PTPRN2: variants seen among roughly 807,000 people sequenced by gnomAD.
PTPRN2 encodes the protein protein tyrosine phosphatase receptor type N2, also known as receptor-type tyrosine-protein phosphatase N2.
Under a neutral mutation model 118.8 loss-of-function variants are expected in PTPRN2, and 74 were observed. The ratio of observed to expected loss-of-function variants is 0.62; its 90% CI spans 0.52 to 0.76. PTPRN2 has a LOEUF of 0.76. PTPRN2 is among the 30% of genes least tolerant of loss of function. The pLI is 0.00. For synonymous variants in PTPRN2, 641 were observed against 608.0 expected (o/e 1.05, Z -0.80); for missense variants, 1,481 against 1,394.4 (o/e 1.06, Z -0.99).
chr7:158,360,951 A>G (rs1398858608), intron 2 of PTPRN2, among the ~76,000 whole-genome samples: 2 of 3,742 alleles, frequency 5.3e-4, no homozygotes, highest in Non-Finnish European at 4.8e-4. Context: ...CAGACCCCAC[A>G]TCCACCCTCA....
intron 2 of PTPRN2, among the ~76,000 whole-genome samples, chr7:158,329,575 G>A (rs1446044856): frequency 6.6e-6 from 1 of 152,190 alleles, no homozygotes; most frequent in Non-Finnish European, 1.5e-5. Context: ...GACACCAGAC[G>A]TCAACCCTGC....
At chr7:158,146,583 T>G (rs1356750032) in intron 6 of PTPRN2, among the ~76,000 whole-genome samples, 1 of 150,826 alleles carries the variant, frequency 6.6e-6, no homozygotes, top group Non-Finnish European at 1.5e-5. Context: ...TAGCCAGGCG[T>G]GGTGGCGGGC....
Position 158,003,686 on chromosome 7 carries a change from A to G in PTPRN2, c.1723+77612T>C, listed in dbSNP as rs976489307. 1.3e-4 allele frequency among the ~76,000 whole-genome samples: 20 copies of G among 151,430 alleles called. No homozygotes were observed. Among genetic ancestry groups the G allele is most frequent in the Non-Finnish European group, 2.5e-4 (17 of 67,918 alleles). ...ACCGTGGCCACCCGAGCTGACTGAC[A>G]GGGGTGGGGAAGCACGCCATCCGGG... On this transcript the variant is annotated intron_variant, in intron 11 of 22. Coordinates refer to ENST00000389418, the MANE Select transcript of PTPRN2 (RefSeq NM_002847.5). This position sits in a 1 kb window ranked among gnomAD's most constrained non-coding sequence, Gnocchi z 5.0.
chr7:158,336,540 C>A (rs28495136), intron 2 of PTPRN2, among the ~76,000 whole-genome samples: 44,628 of 55,580 alleles, frequency 0.8, 17,200 homozygotes, highest in African/African-American at 0.85. Flanking sequence ...TGAAACCTGC[C>A]GACGTCACTC....
chr7:157,747,044 G>A (rs1247645268), intron 12 of PTPRN2, among the ~76,000 whole-genome samples: 3 of 147,842 alleles, frequency 2.0e-5, no homozygotes, highest in Non-Finnish European at 4.4e-5. Context: ...TGAGGCCTGC[G>A]TCCCTGAGCT....
In PTPRN2 at chr7:158,133,336, G is replaced by A. The variant is rs1818531020; in HGVS notation, c.1556+341C>T. ...CCCCGAGACCCCACCCTGCCTGGCC[G>A]CCGCTGAAGGTGATTCTGACCCGCA... On this transcript the variant is annotated intron_variant, in intron 9 of 22. Coordinates refer to ENST00000389418, the MANE Select transcript of PTPRN2 (RefSeq NM_002847.5). Among the ~76,000 whole-genome samples the A allele has an allele frequency of 2.0e-5, 3 of 152,122 alleles. 1 individual carries two copies. The South Asian group carries it at 6.2e-4, about 32-fold the overall frequency.
intron 14 of PTPRN2, among the ~76,000 whole-genome samples, chr7:157,641,444 G>A (rs552178308): frequency 5.9e-5 from 9 of 152,296 alleles, no homozygotes; most frequent in Admixed American, 3.9e-4. Flanking sequence ...TTTTAGAAAC[G>A]TCACTGCAAT....
chr7:157,996,495 G>C (rs1804752579), intron 11 of PTPRN2, among the ~76,000 whole-genome samples: 1 of 152,244 alleles, frequency 6.6e-6, no homozygotes, highest in Admixed American at 6.5e-5. Flanking sequence ...TGCCAGGGGA[G>C]CTTTGGTCTC....
intron 12 of PTPRN2, among the ~76,000 whole-genome samples, chr7:157,799,859 G>C (rs1421946515): frequency 2.7e-5 from 3 of 111,976 alleles, no homozygotes; most frequent in African/African-American, 1.2e-4. Context: ...CACCACAGCC[G>C]GCCCCCTCCA....
intron 4 of PTPRN2, among the ~76,000 whole-genome samples, chr7:158,195,060 A>G (rs1826101237): frequency 6.6e-6 from 1 of 152,164 alleles, no homozygotes; most frequent in South Asian, 2.1e-4. Flanking sequence ...GTGTTCTCTC[A>G]TTGGTTTCCA....
chr7:157,672,547 T>C (rs1796467720), intron 13 of PTPRN2, among the ~76,000 whole-genome samples: 1 of 152,162 alleles, frequency 6.6e-6, no homozygotes, highest in South Asian at 2.1e-4. Context: ...TGATTCCAGG[T>C]CGGGAAAGGC....
chr7:157,937,990 T>C (rs1222721888), intron 11 of PTPRN2, among the ~76,000 whole-genome samples: 1 of 152,178 alleles, frequency 6.6e-6, no homozygotes, highest in Non-Finnish European at 1.5e-5. Context: ...TTAGAAGCAA[T>C]GTGGCATGCG....
chr7:158,368,887 G>A (rs976061188), intron 2 of PTPRN2, among the ~76,000 whole-genome samples: 3 of 152,222 alleles, frequency 2.0e-5, no homozygotes, highest in Admixed American at 1.3e-4. Flanking sequence ...GGTTAACACT[G>A]AGTGTCAACT....
intron 3 of PTPRN2, among the ~76,000 whole-genome samples, chr7:158,249,062 T>TCA (rs1023314893): frequency 6.9e-6 from 1 of 144,802 alleles, no homozygotes; most frequent in African/African-American, 2.6e-5. Flanking sequence ...TGCACCCACA[T>TCA]CACACACATA....
At chr7:158,179,122 G>A (rs1008223526) in intron 5 of PTPRN2, among the ~76,000 whole-genome samples, 4 of 152,076 alleles carry the variant, frequency 2.6e-5, no homozygotes, top group Non-Finnish European at 4.4e-5. Context: ...ATTCCCACCT[G>A]CAGTGGATAA....
chr7:158,157,258 A>G (rs753439548), intron 6 of PTPRN2, among the ~76,000 whole-genome samples: 10 of 152,260 alleles, frequency 6.6e-5, no homozygotes, highest in Non-Finnish European at 1.2e-4. Context: ...GGGGTTGGGC[A>G]GTGACAGTGA....
At chr7:157,646,284 C>T (rs898034597) in intron 14 of PTPRN2, among the ~76,000 whole-genome samples, 4 of 152,092 alleles carry the variant, frequency 2.6e-5, no homozygotes, top group African/African-American at 4.8e-5. Context: ...ATCCCCTTGG[C>T]GCTGTCCTCA....
chr7:157,846,331 A>G (rs1808798134), intron 12 of PTPRN2, among the ~76,000 whole-genome samples: 1 of 152,212 alleles, frequency 6.6e-6, no homozygotes, highest in African/African-American at 2.4e-5. Flanking sequence ...TATGAACCTA[A>G]GAACAGTCCG....
At chr7:158,364,656 C>T (rs914422509) in intron 2 of PTPRN2, among the ~76,000 whole-genome samples, 4 of 150,736 alleles carry the variant, frequency 2.7e-5, no homozygotes, top group African/African-American at 4.8e-5. Flanking sequence ...CATAATTCTC[C>T]GTCCCAGCCC....
Sources: allele counts gnomAD v4.1 joint callset (sites outside exome capture counted in the v4.1 genomes callset), GRCh38; gene constraint gnomAD v4.1.1; non-coding constraint Gnocchi (gnomAD v3.1); transcripts MANE v1.5; gene names NCBI Gene and HGNC (gene_info 2026-07-23, HGNC 2026-07-21).